MAST2: variants seen among roughly 807,000 people sequenced by gnomAD.
MAST2 encodes microtubule associated serine/threonine kinase 2.
A neutral mutation model predicts 147.4 loss-of-function variants in MAST2; 70 were observed. The ratio of observed to expected loss-of-function variants is 0.47; its 90% CI spans 0.39 to 0.58. The LOEUF (loss-of-function observed/expected upper bound fraction) is 0.58, where lower values mean the gene tolerates loss of function less well. Among genes scored for constraint, MAST2 ranks in the 20% least tolerant of loss-of-function variants. The pLI is 0.00. For synonymous variants in MAST2, 869 were observed against 896.8 expected (o/e 0.97, Z 0.55); for missense variants, 2,080 against 2,302.3 (o/e 0.90, Z 1.98).
chr1:45,919,870 C>T (rs1449429665), intron 4 of MAST2, among the ~76,000 whole-genome samples: 3 of 150,928 alleles, frequency 2.0e-5, no homozygotes, highest in African/African-American at 7.3e-5. Context: ...TCTTTTGTAT[C>T]CATGCCATGC....
At chr1:45,858,075 G>A (rs1011856174) in intron 3 of MAST2, among the ~76,000 whole-genome samples, 12 of 151,984 alleles carry the variant, frequency 7.9e-5, no homozygotes, top group Non-Finnish European at 1.6e-4. Flanking sequence ...ATAAACATAC[G>A]TGTGTATGTG....
intron 4 of MAST2, among the ~76,000 whole-genome samples, chr1:45,894,382 C>T (rs4545281): frequency 0.45 from 68,733 of 151,780 alleles, 15,699 homozygotes; most frequent in East Asian, 0.62. Context: ...ACCGAAGTGA[C>T]GGTAAAACAT....
In MAST2 at chr1:45,929,610, C is replaced by T. The variant is rs528057057; in HGVS notation, c.501-29776C>T. Among the ~76,000 whole-genome samples, 13 of 152,252 alleles carry T rather than the reference C, an allele frequency of 8.5e-5. No homozygotes were observed. The South Asian group carries it at 2.5e-3, about 29-fold the overall frequency. ...CCCTAGATGCCACAAGAGGAGGAGC[C>T]ATTGCTGATCCTGATGGCCTCATTT... is the stretch of plus-strand genomic sequence containing the variant. On this transcript the variant is annotated intron_variant, in intron 4 of 28. Coordinates refer to ENST00000361297, the MANE Select transcript of MAST2 (RefSeq NM_015112.3).
intron 25 of MAST2, 51 bp from the exon 26 acceptor site, chr1:46,032,545 C>T (rs765284645): frequency 6.2e-7 from 1 of 1,605,816 alleles, no homozygotes; most frequent in Non-Finnish European, 8.5e-7. Context: ...AACCAGGCCC[C>T]ATACTTCGTG....
intron 5 of MAST2, among the ~76,000 whole-genome samples, chr1:45,983,401 T>C (rs1571062815): frequency 6.6e-6 from 1 of 152,074 alleles, no homozygotes; most frequent in Non-Finnish European, 1.5e-5. Flanking sequence ...ATGGAAGCCC[T>C]CATCACTTTT....
intron 15 of MAST2, 45 bp from the exon 16 acceptor site, chr1:46,025,632 C>G: frequency 6.2e-7 from 1 of 1,611,940 alleles, no homozygotes; most frequent in Non-Finnish European, 8.5e-7. Flanking sequence ...CTAGCTAGAG[C>G]AGGGAACTGA....
chr1:46,022,196 CG>C, intron 12 of MAST2, 114 bp downstream of exon 12: 2 of 1,366,090 alleles, frequency 1.5e-6, no homozygotes, highest in Non-Finnish European at 2.0e-6. Context: ...AACATGGCCC[CG>C]GGGGCCTCAG....
At chr1:45,937,639 C>T (rs1322165231) in intron 4 of MAST2, among the ~76,000 whole-genome samples, 1 of 151,074 alleles carries the variant, frequency 6.6e-6, no homozygotes, top group East Asian at 1.9e-4. Context: ...GTAATCCCAG[C>T]TACTTGGGAG....
chr1:45,978,680 A>G (rs1426126482), intron 5 of MAST2, among the ~76,000 whole-genome samples: 1 of 152,236 alleles, frequency 6.6e-6, no homozygotes, highest in Non-Finnish European at 1.5e-5. Flanking sequence ...TTTGCAAAAC[A>G]GCTTGGTGTT....
At chr1:45,951,822 AGAT>A (rs1210134680) in intron 4 of MAST2, among the ~76,000 whole-genome samples, 3 of 152,206 alleles carry the variant, frequency 2.0e-5, no homozygotes, top group African/African-American at 7.2e-5. Context: ...GAAATACAGA[AGAT>A]ATGATCAGAT....
At chr1:46,007,959 T>C (rs1401243330) in intron 8 of MAST2, among the ~76,000 whole-genome samples, 1 of 152,204 alleles carries the variant, frequency 6.6e-6, no homozygotes, top group African/African-American at 2.4e-5. Flanking sequence ...CCCAACCCTA[T>C]TGACCAAAAC....
intron 1 of MAST2, among the ~76,000 whole-genome samples, chr1:45,816,223 G>GAGAGAGAGAGAGAGAA (rs753812171): frequency 3.3e-4 from 49 of 149,076 alleles, no homozygotes; most frequent in East Asian, 2.9e-3. Flanking sequence ...GAGAGAGAAA[G>GAGAGAGAGAGAGAGAA]AGAGAGAGAG....
At chr1:45,815,350 A>G (rs191622845) in intron 1 of MAST2, among the ~76,000 whole-genome samples, 17 of 152,068 alleles carry the variant, frequency 1.1e-4, no homozygotes, top group Admixed American at 2.6e-4. Flanking sequence ...TTATGTTTTT[A>G]GTAGAGATGG....
intron 3 of MAST2, among the ~76,000 whole-genome samples, chr1:45,841,542 T>G (rs1170841114): frequency 6.6e-6 from 1 of 152,102 alleles, no homozygotes; most frequent in Non-Finnish European, 1.5e-5. Context: ...GATGCCACCA[T>G]GCCTGGCTAA....
intron 3 of MAST2, among the ~76,000 whole-genome samples, chr1:45,868,208 T>A (rs1346520673): frequency 6.6e-6 from 1 of 152,210 alleles, no homozygotes. Context: ...TTGAAGCATC[T>A]ACACATGGAG....
rs58220954 is a variant in MAST2, at chr1:45,823,337, CT to C, written c.178-1080del. On this transcript the variant is annotated intron_variant, in intron 1 of 28. Coordinates refer to ENST00000361297, the MANE Select transcript of MAST2 (RefSeq NM_015112.3). ...CAGGTGACATGGGGTCAGTTATTCT[CT>C]TTTTTTTTTTTTTTTGAGACGGAGT... Among the ~76,000 whole-genome samples the C allele has an allele frequency of 4.1e-3, 554 of 133,650 alleles. 1 individual carries two copies. Among genetic ancestry groups the C allele is most frequent in the African/African-American group, 8.5e-3 (302 of 35,478 alleles). The allele number at this position is 133,650 out of a possible 152,430, so 87.7% of individuals were successfully genotyped here. A position where few individuals can be genotyped will look rare whatever the true frequency, so the allele number is the denominator to read the frequency against.
intron 4 of MAST2, among the ~76,000 whole-genome samples, chr1:45,905,793 A>G (rs1460718494): frequency 6.6e-6 from 1 of 151,422 alleles, no homozygotes; most frequent in African/African-American, 2.4e-5. Context: ...AAAAAATGCC[A>G]AACTTAGATT....
At chr1:45,993,864 T>G (rs1281511734) in intron 5 of MAST2, among the ~76,000 whole-genome samples, 2 of 152,098 alleles carry the variant, frequency 1.3e-5, no homozygotes, top group Non-Finnish European at 2.9e-5. Context: ...TGAGGTTTCT[T>G]ACTACCTCCT....
chr1:45,869,082 CTTTG>C (rs1446198575), intron 3 of MAST2, among the ~76,000 whole-genome samples: 10 of 152,116 alleles, frequency 6.6e-5, no homozygotes, highest in Non-Finnish European at 1.2e-4. Context: ...AGTCTTGTAC[CTTTG>C]TTTGTTTTTT....
Sources: gnomAD v4.1 joint callset for allele counts (sites outside exome capture counted in the v4.1 genomes callset) on GRCh38, gnomAD v4.1.1 for gene constraint, MANE v1.5 for transcripts, NCBI Gene and HGNC (gene_info 2026-07-23, HGNC 2026-07-21) for gene names.